Variants in ELAVL2 observed in about 807,000 individuals in gnomAD.
ELAVL2 encodes the protein ELAV-like protein 2.
In ELAVL2, 4 loss-of-function variants were observed where a neutral mutation model predicts 34.6. The observed-to-expected ratio is 0.12, with a 90% CI of 0.06 to 0.26. The LOEUF (loss-of-function observed/expected upper bound fraction) is 0.26, where lower values mean the gene tolerates loss of function less well. Among genes scored for constraint, ELAVL2 ranks in the 10% least tolerant of loss-of-function variants. The probability of loss-of-function intolerance (pLI) is 1.00; values close to 1 mark genes in which losing one functional copy is unlikely to be tolerated. For synonymous variants in ELAVL2, 193 were observed against 154.8 expected (o/e 1.25, Z -1.83); for missense variants, 432 against 442.8 (o/e 0.98, Z 0.22).
chr9:23,790,188 G>A (rs770122671), intron 1 of ELAVL2, among the ~76,000 whole-genome samples: 10 of 152,090 alleles, frequency 6.6e-5, no homozygotes, highest in Admixed American at 2.0e-4. Flanking sequence ...CAAAACAGAT[G>A]TAACAGGTGT....
intron 5 of ELAVL2, among the ~76,000 whole-genome samples, chr9:23,695,336 C>G (rs2034766943): frequency 6.6e-6 from 1 of 152,156 alleles, no homozygotes; most frequent in Non-Finnish European, 1.5e-5. Context: ...CTTATCAATT[C>G]ACTCAAAAGT....
At chr9:23,827,421 G>A (rs1226855642), upstream of ELAVL2, among the ~76,000 whole-genome samples, 2 of 152,162 alleles carry the variant, frequency 1.3e-5, no homozygotes, top group African/African-American at 2.4e-5. Context: ...TCGTCTGGAT[G>A]TATAAGTAGA....
chr9:23,704,662 A>T (rs966088863), intron 4 of ELAVL2, among the ~76,000 whole-genome samples: 1 of 152,208 alleles, frequency 6.6e-6, no homozygotes, highest in African/African-American at 2.4e-5. Flanking sequence ...AGCATCTATA[A>T]ATTTATTACA....
chr9:23,715,595 C>T (rs1443318605), intron 3 of ELAVL2, among the ~76,000 whole-genome samples: 1 of 152,188 alleles, frequency 6.6e-6, no homozygotes, highest in African/African-American at 2.4e-5. Flanking sequence ...TTGTTAGAAG[C>T]CCATTCTCCA....
intron 3 of ELAVL2, among the ~76,000 whole-genome samples, chr9:23,724,294 G>C (rs932045606): frequency 6.6e-6 from 1 of 152,012 alleles, no homozygotes. Flanking sequence ...CCTCTTTGTA[G>C]GCTCTGCCTC....
the ELAVL2 span, among the ~76,000 whole-genome samples, chr9:23,835,809 C>A: frequency 2.0e-5 from 3 of 152,082 alleles, no homozygotes; most frequent in Non-Finnish European, 4.4e-5. Context: ...AAAGAATGAA[C>A]CTTAAACTTT....
chr9:23,742,086 A>C (rs995593747), intron 2 of ELAVL2, among the ~76,000 whole-genome samples: 2 of 152,170 alleles, frequency 1.3e-5, no homozygotes, highest in Non-Finnish European at 2.9e-5. Flanking sequence ...TTTGAACCAT[A>C]ATACCCAGAG....
At chr9:23,719,355 G>A (rs934366831) in intron 3 of ELAVL2, among the ~76,000 whole-genome samples, 2 of 152,184 alleles carry the variant, frequency 1.3e-5, no homozygotes, top group African/African-American at 4.8e-5. Flanking sequence ...GTACAAAGGT[G>A]AGAGGGGTGT....
chr9:23,783,601 T>C (rs2059341946), intron 1 of ELAVL2: 1 of 656,404 alleles, frequency 1.5e-6, no homozygotes, highest in Non-Finnish European at 1.9e-6. Context: ...TCAACACATT[T>C]GAAGGACAGA....
intron 1 of ELAVL2, among the ~76,000 whole-genome samples, chr9:23,780,473 C>A (rs773044110): frequency 1.3e-5 from 2 of 152,034 alleles, no homozygotes; most frequent in African/African-American, 4.8e-5. Context: ...ATATTGAATC[C>A]TATGAGTCTT....
intron 2 of ELAVL2, among the ~76,000 whole-genome samples, chr9:23,748,438 G>C (rs909333991): frequency 3.9e-5 from 6 of 152,094 alleles, no homozygotes; most frequent in Admixed American, 6.6e-5. Flanking sequence ...AGAAAAGTAT[G>C]AAGGCAGAGA....
chr9:23,735,578 C>G (rs1327924678), intron 2 of ELAVL2: 2 of 152,168 alleles, frequency 1.3e-5, no homozygotes, highest in African/African-American at 4.8e-5. Context: ...CGTACCTGGC[C>G]CAAAGTCTTG....
chr9:23,787,219 C>A (rs184877019), intron 1 of ELAVL2, among the ~76,000 whole-genome samples: 2 of 152,076 alleles, frequency 1.3e-5, no homozygotes, highest in African/African-American at 2.4e-5. Flanking sequence ...GCATTACCCC[C>A]CTGTGATCCT....
intron 1 of ELAVL2, among the ~76,000 whole-genome samples, chr9:23,777,240 T>TA (rs1410771701): frequency 6.6e-6 from 1 of 152,208 alleles, no homozygotes; most frequent in East Asian, 1.9e-4. Context: ...TCCACTACTT[T>TA]AATCTGAGAT....
At chr9:23,740,645 A>G (rs1234756157) in intron 2 of ELAVL2, among the ~76,000 whole-genome samples, 3 of 152,192 alleles carry the variant, frequency 2.0e-5, no homozygotes, top group Non-Finnish European at 2.9e-5. Flanking sequence ...ACTATCTGTG[A>G]AAGAAAAAAA....
chr9:23,726,624 C>A (rs373381395), intron 3 of ELAVL2, among the ~76,000 whole-genome samples: 176 of 152,106 alleles, frequency 1.2e-3, no homozygotes, highest in African/African-American at 4.2e-3. Context: ...CTGGGAGCCA[C>A]GTATCCATTT....
At chr9:23,709,166 T>A (rs1343377916) in intron 3 of ELAVL2, among the ~76,000 whole-genome samples, 3 of 152,178 alleles carry the variant, frequency 2.0e-5, no homozygotes, top group Non-Finnish European at 2.9e-5. Flanking sequence ...GTCCTACCCC[T>A]ATCCCTTTAT....
intron 3 of ELAVL2, among the ~76,000 whole-genome samples, chr9:23,708,508 G>T (rs936584051): frequency 1.3e-4 from 20 of 152,146 alleles, no homozygotes; most frequent in African/African-American, 4.6e-4. Flanking sequence ...TAATACTATG[G>T]TAAGTGAGTG....
chr9:23,761,131 T>C (rs2054887843), intron 2 of ELAVL2, among the ~76,000 whole-genome samples: 1 of 152,108 alleles, frequency 6.6e-6, no homozygotes, highest in Non-Finnish European at 1.5e-5. Flanking sequence ...ATTTCAAATA[T>C]TCCATTTTAT....
Sources: allele counts gnomAD v4.1 joint callset (sites outside exome capture counted in the v4.1 genomes callset), GRCh38; gene constraint gnomAD v4.1.1; transcripts MANE v1.5; gene names NCBI Gene and HGNC (gene_info 2026-07-23, HGNC 2026-07-21).